ANGEL1: variants seen among roughly 807,000 people sequenced by gnomAD.
ANGEL1 encodes angel homolog 1.
A neutral mutation model predicts 76.4 loss-of-function variants in ANGEL1; 62 were observed. That is an observed-to-expected ratio of 0.81 (90% CI 0.66 to 1.00). The LOEUF is 1.00. ANGEL1 is among the 50% of genes least tolerant of loss of function. The pLI is 0.00. For synonymous variants in ANGEL1, 340 were observed against 331.7 expected (o/e 1.03, Z -0.27); for missense variants, 737 against 836.7 (o/e 0.88, Z 1.47).
intron 7 of ANGEL1, 25 bp from the exon 8 acceptor site, chr14:76,791,391 A>G (rs1197247546): frequency 1.2e-6 from 2 of 1,608,692 alleles, no homozygotes; most frequent in Non-Finnish European, 1.7e-6. Context: ...AGAGAAAAAC[A>G]TTTTCTCATC....
intron 1 of ANGEL1, among the ~76,000 whole-genome samples, chr14:76,811,248 C>G (rs1402514875): frequency 6.6e-6 from 1 of 152,196 alleles, no homozygotes; most frequent in African/African-American, 2.4e-5. Context: ...TTGAGAAACC[C>G]TGCTCTAAAC....
In ANGEL1 at chr14:76,812,875, C is replaced by G. The variant is rs1186085053; in HGVS notation, c.-48G>C. ...CCGCTCCTCACTGCAGCCAGCAGGT[C>G]CTCCCTCAGCTCGGCCCCGCCCCCG... On this transcript the variant is annotated 5_prime_UTR_variant, in exon 1 of 10. Coordinates refer to ENST00000251089, the MANE Select transcript of ANGEL1 (RefSeq NM_015305.4). The G allele has an allele frequency of 1.4e-6, 2 of 1,470,048 alleles. No homozygotes were observed. The highest frequency in any genetic ancestry group is 1.8e-6 in the Non-Finnish European group (2 of 1,111,886). 91.1% of individuals were successfully genotyped at this position (1,470,048 alleles called of 1,614,324 possible).
intron 5 of ANGEL1, among the ~76,000 whole-genome samples, chr14:76,804,981 G>C (rs1188528707): frequency 2.0e-5 from 3 of 151,928 alleles, no homozygotes; most frequent in African/African-American, 7.3e-5. Context: ...TTGCACTCCA[G>C]CCTGGGCAAC....
chr14:76,811,485 G>GTT (rs1426432725), intron 1 of ANGEL1, among the ~76,000 whole-genome samples: 2 of 131,406 alleles, frequency 1.5e-5, no homozygotes, highest in African/African-American at 5.8e-5. Context: ...AATATGCCAA[G>GTT]TAAATATAAG....
chr14:76,812,522 G>A, intron 1 of ANGEL1: 1 of 1,243,986 alleles, frequency 8.0e-7, no homozygotes, highest in Non-Finnish European at 1.0e-6. Context: ...ACCGCGGCCG[G>A]ACGCCATCTG....
intron 7 of ANGEL1, among the ~76,000 whole-genome samples, chr14:76,800,673 T>G (rs35709063): frequency 2.0e-5 from 3 of 152,192 alleles, no homozygotes; most frequent in Non-Finnish European, 2.9e-5. Context: ...ATGTCAATAT[T>G]AAGAAGTCCG....
chr14:76,798,581 A>G (rs1894652878), intron 7 of ANGEL1, among the ~76,000 whole-genome samples: 1 of 152,252 alleles, frequency 6.6e-6, no homozygotes, highest in Non-Finnish European at 1.5e-5. Flanking sequence ...AAAAGAAATC[A>G]TTTATAATAG....
Position 76,808,032 on chromosome 14 carries a change from C to A in ANGEL1, c.766G>T (p.Asp256Tyr). Residue 256 changes from aspartate (D) to tyrosine (Y), a missense_variant, in exon 3 of 10, where the codon GAC becomes TAC. Asp to Tyr is a radical substitution (Grantham distance 160). Coordinates refer to ENST00000251089, the MANE Select transcript of ANGEL1 (RefSeq NM_015305.4). ...TLMSYNILAQ[D>Y]LMQQSSELYL... ...AGCTCTGAGCTCTGCTGCATCAGGT[C>A]CTGAGCCAGGATGTTATAAGACATC... 2.5e-6 allele frequency: 4 copies of A among 1,614,178 alleles called. No homozygotes were observed. The highest frequency in any genetic ancestry group is 8.5e-7 in the Non-Finnish European group (1 of 1,180,048).
In ANGEL1 at chr14:76,789,276, G is replaced by A; in HGVS notation, c.1965C>T (p.Asp655=). ...NGLPNPFCSS[D]HLCLLASFGM... is the part of the protein sequence containing the mutation. ...CGAAGCTGGCTAGCAGGCAGAGGTG[G>A]TCTGAAGAGCAGAAGGGGTTGGGTA... The change falls in exon 10 of 10, where the codon GAC becomes GAT. Residue 655 remains aspartate, a synonymous_variant. Transcript: ENST00000251089. 3.1e-6 allele frequency: 5 copies of A among 1,614,242 alleles called. No individual in the cohort carries two copies. The highest frequency in any genetic ancestry group is 4.2e-6 in the Non-Finnish European group (5 of 1,180,038).
intron 1 of ANGEL1, chr14:76,812,312 A>G (rs1175485161): frequency 1.4e-5 from 14 of 997,842 alleles, no homozygotes; most frequent in African/African-American, 1.7e-5. Flanking sequence ...AACCTGGGGA[A>G]GATCGGTGCG....
intron 7 of ANGEL1, among the ~76,000 whole-genome samples, chr14:76,795,518 A>G (rs1894551307): frequency 6.6e-6 from 1 of 152,212 alleles, no homozygotes; most frequent in Admixed American, 6.5e-5. Flanking sequence ...CTTGTTTCAT[A>G]AAAATAACCT....
chr14:76,806,289 C>A (rs1472642702), intron 5 of ANGEL1, 127 bp downstream of exon 5: 1 of 992,390 alleles, frequency 1.0e-6, no homozygotes, highest in African/African-American at 1.6e-5. Flanking sequence ...TTCAACATAA[C>A]AAGAAAAAGG....
At chr14:76,790,421 TAA>T (rs1291327435) in intron 9 of ANGEL1, among the ~76,000 whole-genome samples, 188 bp downstream of exon 9, 1 of 151,940 alleles carries the variant, frequency 6.6e-6, no homozygotes, top group East Asian at 1.9e-4. Context: ...GCTGCAAGGG[TAA>T]AAAGAGACAA....
intron 7 of ANGEL1, among the ~76,000 whole-genome samples, chr14:76,796,261 CT>C (rs1249373857): frequency 1.7e-3 from 237 of 135,966 alleles, no homozygotes; most frequent in Middle Eastern, 3.7e-3. Context: ...TTTTCTTTTT[CT>C]TTTTTTTTTT....
At chr14:76,810,204 T>C in intron 1 of ANGEL1, 1 of 454,708 alleles carries the variant, frequency 2.2e-6, no homozygotes. Context: ...GCAGGATCAC[T>C]TGAGGCCAGG....
rs1481614807 is a variant in ANGEL1 at position 76,803,391 on chromosome 14, C to T, written c.1598G>A (p.Gly533Glu). 6.2e-7 allele frequency: 1 copy of T among 1,614,028 alleles called. No individual in the cohort carries two copies. The highest frequency in any genetic ancestry group is 8.5e-7 in the Non-Finnish European group (1 of 1,179,988). The change falls in exon 7 of 10, where the codon GGA becomes GAA. Residue 533 changes from glycine (G) to glutamate (E), a missense_variant. By Grantham distance (98) the Gly-to-Glu change is moderately conservative. This residue lies in a region of ANGEL1 where 296 missense variants were observed against 387.2 expected (regional missense o/e 0.76). Transcript: ENST00000251089. ...QRPVGLVLME[G>E]VTDTKPERPA... ...ATTACCTGGCTTAGTATCTGTCACT[C>T]CTTCCATAAGGACCAGTCCTACTGG...
intron 7 of ANGEL1, among the ~76,000 whole-genome samples, chr14:76,795,185 T>C (rs1321176536): frequency 2.6e-5 from 4 of 152,162 alleles, no homozygotes; most frequent in Admixed American, 1.3e-4. Flanking sequence ...AGAGGGTTCA[T>C]TTTAAAAGAA....
intron 1 of ANGEL1, 54 bp from the exon 2 acceptor site, chr14:76,809,697 T>C: frequency 6.9e-7 from 1 of 1,449,370 alleles, no homozygotes; most frequent in Non-Finnish European, 9.5e-7. Flanking sequence ...ACCCACACTA[T>C]TCTCCCAGCT....
intron 7 of ANGEL1, among the ~76,000 whole-genome samples, chr14:76,794,755 T>C (rs975381304): frequency 8.0e-6 from 1 of 124,856 alleles, no homozygotes; most frequent in Non-Finnish European, 1.8e-5. Context: ...TTTCTTTTTG[T>C]TGCTCTTACA....
Sources: gnomAD v4.1 joint callset for allele counts (sites outside exome capture counted in the v4.1 genomes callset) on GRCh38, gnomAD v4.1.1 for gene constraint, gnomAD v4.1.1 regional missense constraint, MANE v1.5 for transcripts, NCBI Gene and HGNC (gene_info 2026-07-23, HGNC 2026-07-21) for gene names.